SNTG1: variants seen among roughly 807,000 people sequenced by gnomAD.
SNTG1 encodes the protein gamma-1-syntrophin.
In SNTG1, 39 loss-of-function variants were observed where a neutral mutation model predicts 74.7. The observed-to-expected ratio is 0.52, with a 90% confidence interval of 0.40 to 0.68. The LOEUF (loss-of-function observed/expected upper bound fraction) is 0.68, where lower values mean the gene tolerates loss of function less well. Ranked by LOEUF, SNTG1 falls within the 30% of genes least tolerant of loss-of-function variation. The probability of loss-of-function intolerance (pLI) is 0.00; values close to 1 mark genes in which losing one functional copy is unlikely to be tolerated. For missense variants in SNTG1, 685 were observed against 609.5 expected, an observed-to-expected ratio of 1.12 and a Z score of -1.30; for synonymous variants, 254 against 217.1, an observed-to-expected ratio of 1.17 and a Z score of -1.49.
intron 9 of SNTG1, among the ~76,000 whole-genome samples, chr8:50,517,183 T>C (rs1301680224): frequency 6.6e-6 from 1 of 152,094 alleles, no homozygotes. Flanking sequence ...GAATTACATA[T>C]CCAGCCAAAC....
At chr8:49,982,102 C>A (rs1386434959) in intron 1 of SNTG1, among the ~76,000 whole-genome samples, 1 of 152,112 alleles carries the variant, frequency 6.6e-6, no homozygotes, top group Non-Finnish European at 1.5e-5. Flanking sequence ...ACTCTTATGT[C>A]TCCTTTAAGT....
chr8:50,595,882 C>A (rs2094724023), intron 13 of SNTG1, among the ~76,000 whole-genome samples: 4 of 151,860 alleles, frequency 2.6e-5, no homozygotes, highest in Admixed American at 1.3e-4. Flanking sequence ...CCCATTAATG[C>A]ACATTTGCTT....
At chr8:50,615,727 T>G (rs1224822471) in intron 13 of SNTG1, among the ~76,000 whole-genome samples, 2 of 152,296 alleles carry the variant, frequency 1.3e-5, no homozygotes, top group Admixed American at 1.3e-4. Context: ...ATATAACATG[T>G]TAAATACGTA....
intron 1 of SNTG1, among the ~76,000 whole-genome samples, chr8:50,009,216 T>C (rs981232647): frequency 3.3e-5 from 5 of 152,194 alleles, no homozygotes; most frequent in African/African-American, 9.7e-5. Flanking sequence ...TTATATAGCA[T>C]GTTGATCTCA....
chr8:50,327,667 T>C (rs1365454611), intron 2 of SNTG1, among the ~76,000 whole-genome samples: 1 of 152,158 alleles, frequency 6.6e-6, no homozygotes, highest in East Asian at 1.9e-4. Flanking sequence ...TGGTTATTGA[T>C]ACCATTAGAT....
At chr8:50,096,929 G>T (rs1292757088) in intron 1 of SNTG1, among the ~76,000 whole-genome samples, 1 of 152,006 alleles carries the variant, frequency 6.6e-6, no homozygotes. Flanking sequence ...ATCACTGCAG[G>T]AAAATACAAA....
At chr8:50,767,857 C>G (rs532106725) in intron 18 of SNTG1, among the ~76,000 whole-genome samples, 1 of 151,906 alleles carries the variant, frequency 6.6e-6, no homozygotes, top group Non-Finnish European at 1.5e-5. Flanking sequence ...GATTTCAAAA[C>G]GTGCTGTATT....
chr8:50,677,479 A>T (rs2095313744), intron 15 of SNTG1, among the ~76,000 whole-genome samples: 1 of 151,964 alleles, frequency 6.6e-6, no homozygotes, highest in East Asian at 1.9e-4. Context: ...AATCTCAAGG[A>T]TTCATCCCTT....
intron 13 of SNTG1, among the ~76,000 whole-genome samples, chr8:50,638,825 A>G (rs6993752): frequency 0.23 from 34,661 of 151,960 alleles, 4,641 homozygotes; most frequent in African/African-American, 0.36. Context: ...TTTAGCATAG[A>G]GTATAACAGT....
chr8:50,020,026 C>G (rs1203340039), intron 1 of SNTG1, among the ~76,000 whole-genome samples: 2 of 151,998 alleles, frequency 1.3e-5, no homozygotes, highest in African/African-American at 4.8e-5. Flanking sequence ...TATTGTTAAC[C>G]TTTAGAAAAA....
chr8:50,484,207 TC>T (rs1300904167), intron 8 of SNTG1, among the ~76,000 whole-genome samples: 3 of 123,668 alleles, frequency 2.4e-5, no homozygotes, highest in African/African-American at 9.9e-5. Flanking sequence ...CTTCCTTCCT[TC>T]CTTCCTTCTT....
intron 8 of SNTG1, among the ~76,000 whole-genome samples, chr8:50,473,874 A>C (rs2093673518): frequency 6.6e-6 from 1 of 152,192 alleles, no homozygotes. Flanking sequence ...TAAAACTCAT[A>C]GAAGCAGAAA....
At chr8:49,998,725 G>A (rs983327553) in intron 1 of SNTG1, among the ~76,000 whole-genome samples, 1 of 151,806 alleles carries the variant, frequency 6.6e-6, no homozygotes, top group African/African-American at 2.4e-5. Context: ...TAACAGGCAT[G>A]GAGCTGTCAT....
At chr8:50,726,419 C>T (rs61469942) in intron 17 of SNTG1, among the ~76,000 whole-genome samples, 3,315 of 152,142 alleles carry the variant, frequency 0.022, 105 homozygotes, top group African/African-American at 0.072. Context: ...GTTGGGGGAG[C>T]GCTCAAGTGG....
At chr8:50,749,870 G>T (rs1227097850) in intron 17 of SNTG1, among the ~76,000 whole-genome samples, 1 of 152,004 alleles carries the variant, frequency 6.6e-6, no homozygotes, top group Non-Finnish European at 1.5e-5. Flanking sequence ...GTGCAAGGAG[G>T]CTAATGTCTT....
chr8:50,519,930 A>C (rs1176147209), intron 9 of SNTG1, among the ~76,000 whole-genome samples: 1 of 152,132 alleles, frequency 6.6e-6, no homozygotes, highest in African/African-American at 2.4e-5. Flanking sequence ...CAGAATTTGA[A>C]AAAAAACTAC....
chr8:50,153,224 A>G (rs1245424793), intron 1 of SNTG1, among the ~76,000 whole-genome samples: 1 of 152,090 alleles, frequency 6.6e-6, no homozygotes, highest in Non-Finnish European at 1.5e-5. Flanking sequence ...GCATGCATCA[A>G]ATAGTTCTTG....
intron 18 of SNTG1, among the ~76,000 whole-genome samples, chr8:50,773,403 A>C (rs371626108): frequency 7.1e-4 from 108 of 152,254 alleles, no homozygotes; most frequent in African/African-American, 2.5e-3. Context: ...AGATCTGTGC[A>C]AGAAGAAAGT....
chr8:50,182,351 C>T (rs77568860), intron 2 of SNTG1, among the ~76,000 whole-genome samples: 3,020 of 152,234 alleles, frequency 0.02, 96 homozygotes, highest in African/African-American at 0.066. Context: ...CAACAACTGT[C>T]TCTTCAGGTT....
Sources: allele counts gnomAD v4.1 joint callset (sites outside exome capture counted in the v4.1 genomes callset), GRCh38; gene constraint gnomAD v4.1.1; transcripts MANE v1.5; gene names NCBI Gene and HGNC (gene_info 2026-07-23, HGNC 2026-07-21).